Variants in COL6A6 observed in about 807,000 individuals in gnomAD.
COL6A6 encodes collagen alpha-6(VI) chain.
Under a neutral mutation model 208.6 loss-of-function variants are expected in COL6A6, and 183 were observed. The observed-to-expected ratio is 0.88, with a 90% CI of 0.78 to 0.99. The LOEUF is 0.99. COL6A6 is among the 50% of genes least tolerant of loss of function. The probability of loss-of-function intolerance (pLI) is 0.00; values close to 1 mark genes in which losing one functional copy is unlikely to be tolerated. For synonymous variants in COL6A6, 973 were observed against 1,011.8 expected (o/e 0.96, Z 0.73); for missense variants, 2,816 against 2,815.2 (o/e 1.00, Z -0.01).
chr3:130,527,824 C>G (rs1313907802), intron 1 of COL6A6, among the ~76,000 whole-genome samples: 1 of 151,502 alleles, frequency 6.6e-6, no homozygotes, highest in Non-Finnish European at 1.5e-5. Flanking sequence ...TAGGCTGCAT[C>G]CCCCATGGTC....
At chr3:130,637,150 C>T (rs1238459932) in intron 28 of COL6A6, among the ~76,000 whole-genome samples, 3 of 68,674 alleles carry the variant, frequency 4.4e-5, no homozygotes, top group Non-Finnish European at 8.0e-5. Flanking sequence ...ACCTATAATG[C>T]TTGTCCTCAT....
intron 24 of COL6A6, among the ~76,000 whole-genome samples, chr3:130,623,660 G>T (rs1576350499): frequency 6.6e-6 from 1 of 152,172 alleles, no homozygotes; most frequent in East Asian, 1.9e-4. Flanking sequence ...TGTATGAGGG[G>T]TAACCCTATC....
rs548272648 is a variant in COL6A6 at position 130,518,164 on chromosome 3, G to T, written c.-32+767G>T. On this transcript the variant is annotated intron_variant, in intron 1 of 36. Coordinates refer to ENST00000358511, the MANE Select transcript of COL6A6 (RefSeq NM_001102608.3). ...TCTACTCTATGGATATATTTAAAGA[G>T]GACCTTTTGCCAGTGGATGGGTGTG... Among the ~76,000 whole-genome samples, 33 of 152,238 alleles carry T rather than the reference G, an allele frequency of 2.2e-4. 1 individual carries two copies. Among genetic ancestry groups the T allele is most frequent in the African/African-American group, 7.9e-4 (33 of 41,556 alleles).
Position 130,649,202 on chromosome 3 carries a change from G to A in COL6A6, c.5373G>A (p.Glu1791=). 1 of 1,593,566 alleles carries A rather than the reference G, an allele frequency of 6.3e-7. No homozygotes were observed. The highest frequency in any genetic ancestry group is 1.1e-5 in the South Asian group (1 of 87,488). The change falls in exon 33 of 37, where the codon GAG becomes GAA. Residue 1791 remains glutamate, a synonymous_variant. Transcript: ENST00000358511. ...AFLVRDIKVR[E]NSCPVGAHIA... is the part of the protein sequence containing the mutation. ...TGGTGAGAGACATTAAGGTCCGGGA[G>A]AACAGCTGCCCCGTGGGAGCGCACA...
At chr3:130,560,621 T>TATTCC (rs1219338689) in intron 2 of COL6A6, among the ~76,000 whole-genome samples, 193 bp downstream of exon 2, 1 of 152,210 alleles carries the variant, frequency 6.6e-6, no homozygotes, top group East Asian at 1.9e-4. Flanking sequence ...TTCTGGATCT[T>TATTCC]ATTCCTTGTT....
chr3:130,544,049 GACT>G (rs1398921138), intron 1 of COL6A6, among the ~76,000 whole-genome samples: 2 of 152,074 alleles, frequency 1.3e-5, no homozygotes, highest in South Asian at 2.1e-4. Context: ...TGAAACTTGT[GACT>G]ACAATAGTAT....
chr3:130,595,339 G>A (rs569010873), intron 18 of COL6A6, among the ~76,000 whole-genome samples: 3 of 152,312 alleles, frequency 2.0e-5, no homozygotes, highest in Admixed American at 1.3e-4. Flanking sequence ...TTATTGAACT[G>A]TAACATACAT....
At position 130,586,569 on chromosome 3, in the gene COL6A6, T is replaced by C; in HGVS notation, c.4034T>C (p.Leu1345Pro). Residue 1345 changes from leucine to proline, a missense_variant, in exon 11 of 37, where the codon CTT becomes CCT. Physicochemically the swap from Leu to Pro is moderately conservative, Grantham distance 98. Coordinates refer to ENST00000358511, the MANE Select transcript of COL6A6 (RefSeq NM_001102608.3). ...GPADSSDLADLPYIEFGKGFE... is the reference protein window; with the variant it reads ...GPADSSDLADPPYIEFGKGFE... ...GCTGATTCAAGTGACTTGGCTGATC[T>C]TCCCTATATTGAATTTGGGAAAGGA... The C allele has an allele frequency of 6.2e-7, 1 of 1,613,958 alleles. No individual in the cohort carries two copies. The highest frequency in any genetic ancestry group is 1.1e-5 in the South Asian group (1 of 91,072).
chr3:130,593,416 G>A (rs575525075), intron 17 of COL6A6, among the ~76,000 whole-genome samples, 164 bp downstream of exon 17: 1 of 152,236 alleles, frequency 6.6e-6, no homozygotes, highest in Non-Finnish European at 1.5e-5. Flanking sequence ...TTTCTGAGGG[G>A]TTCAGCCGAT....
chr3:130,544,454 G>A (rs932212878), intron 1 of COL6A6, among the ~76,000 whole-genome samples: 4 of 152,038 alleles, frequency 2.6e-5, no homozygotes, highest in South Asian at 2.1e-4. Context: ...AGTCGTTTTC[G>A]TATGTTGGCT....
chr3:130,551,545 T>A (rs1422732439), intron 1 of COL6A6, among the ~76,000 whole-genome samples: 1 of 152,086 alleles, frequency 6.6e-6, no homozygotes, highest in African/African-American at 2.4e-5. Context: ...TATTTGGATC[T>A]TCTCTCTTGT....
Position 130,643,030 on chromosome 3 carries a change from A to T in COL6A6, c.5227+7A>T. On this transcript the variant is annotated splice_region_variant and intron_variant, in intron 31 of 36. Coordinates refer to ENST00000358511, the MANE Select transcript of COL6A6 (RefSeq NM_001102608.3). Reference sequence around the variant, plus strand: ...TATGTGCGAGACCGCAGTCGTAAGTACCCTGCTTAAAATGATCACCCAAGT... The same window carrying T: ...TATGTGCGAGACCGCAGTCGTAAGTTCCCTGCTTAAAATGATCACCCAAGT... 6.2e-7 allele frequency: 1 copy of T among 1,612,674 alleles called. No homozygotes were observed. The highest frequency in any genetic ancestry group is 8.5e-7 in the Non-Finnish European group (1 of 1,178,800).
chr3:130,605,995 G>A (rs2064172688), intron 20 of COL6A6, among the ~76,000 whole-genome samples: 1 of 152,204 alleles, frequency 6.6e-6, no homozygotes, highest in African/African-American at 2.4e-5. Context: ...ACAACATGTG[G>A]GAATTATGGG....
chr3:130,590,846 C>T (rs776517790), intron 12 of COL6A6, among the ~76,000 whole-genome samples, 195 bp from the exon 13 acceptor site: 4 of 152,196 alleles, frequency 2.6e-5, no homozygotes, highest in Non-Finnish European at 4.4e-5. Flanking sequence ...GAATTACAGG[C>T]ATGAGCCACC....
intron 33 of COL6A6, among the ~76,000 whole-genome samples, chr3:130,651,425 CAAAAAAAA>C (rs35957602): frequency 3.3e-5 from 2 of 61,038 alleles, no homozygotes. Flanking sequence ...GACTCCATCT[CAAAAAAAA>C]AAAAAAAAAA....
At chr3:130,639,704 A>G (rs867522855) in intron 28 of COL6A6, among the ~76,000 whole-genome samples, 2,040 of 151,968 alleles carry the variant, frequency 0.013, 30 homozygotes, top group Middle Eastern at 0.044. Flanking sequence ...AAAAAAAAAA[A>G]AAAAAATGAC....
At chr3:130,535,801 C>T (rs1024051785) in intron 1 of COL6A6, among the ~76,000 whole-genome samples, 3 of 152,242 alleles carry the variant, frequency 2.0e-5, no homozygotes, top group Admixed American at 2.0e-4. Flanking sequence ...AGTTTCTTAT[C>T]TATGATTCTT....
At chr3:130,545,874 C>CT (rs983774508) in intron 1 of COL6A6, among the ~76,000 whole-genome samples, 13 of 152,162 alleles carry the variant, frequency 8.5e-5, no homozygotes, top group African/African-American at 3.1e-4. Context: ...GATCTGGTGT[C>CT]TGACATTGAT....
At chr3:130,569,685 T>A (rs183231580) in intron 6 of COL6A6, among the ~76,000 whole-genome samples, 1 of 152,358 alleles carries the variant, frequency 6.6e-6, no homozygotes, top group African/African-American at 2.4e-5. Context: ...TGAAGCGTTC[T>A]GACACTGAGT....
Sources: gnomAD v4.1 joint callset for allele counts (sites outside exome capture counted in the v4.1 genomes callset) on GRCh38, gnomAD v4.1.1 for gene constraint, MANE v1.5 for transcripts, NCBI Gene and HGNC (gene_info 2026-07-23, HGNC 2026-07-21) for gene names.